SEC22B: variants seen among roughly 807,000 people sequenced by gnomAD.
The protein encoded by SEC22B is SEC22 homolog B, vesicle trafficking protein.
A neutral mutation model predicts 31.4 loss-of-function variants in SEC22B; 10 were observed. That is an observed-to-expected ratio of 0.32 (90% confidence interval 0.20 to 0.54). The LOEUF is 0.54. SEC22B is among the 20% of genes least tolerant of loss of function. The probability of loss-of-function intolerance (pLI) is 0.94; values close to 1 mark genes in which losing one functional copy is unlikely to be tolerated. For missense variants in SEC22B, 130 were observed against 263.4 expected (o/e 0.49, Z 3.50); for synonymous variants, 60 against 95.9 (o/e 0.63, Z 2.19).
intron 2 of SEC22B, among the ~76,000 whole-genome samples, chr1:120,166,615 TG>T (rs1288316398): frequency 1.4e-5 from 2 of 146,340 alleles, no homozygotes; most frequent in Non-Finnish European, 3.0e-5. Context: ...AGTAGAATTG[TG>T]GGTATTAGAA....
chr1:120,176,195 G>C lies in SEC22B; in HGVS notation c.75+112C>G, dbSNP rs1323442263. On this transcript the variant is annotated intron_variant, in intron 1 of 4. Transcript: ENST00000578049. The stretch of plus-strand genomic sequence containing the variant: ...GATAAAAGCGCACTTCAGAGAGGTC[G>C]GGAGTGCCCGGGAAGTCACAAAGGT... The C allele has an allele frequency of 8.8e-6, 8 of 910,418 alleles. No individual in the cohort carries two copies. The Admixed American group carries it at 1.4e-4, about 16-fold the overall frequency. 56.4% of individuals were successfully genotyped at this position (910,418 alleles called of 1,614,324 possible).
At chr1:120,168,439 A>C (rs1333405864) in intron 2 of SEC22B, among the ~76,000 whole-genome samples, 1 of 152,092 alleles carries the variant, frequency 6.6e-6, no homozygotes, top group Non-Finnish European at 1.5e-5. Flanking sequence ...AGATTCCCTC[A>C]CAATCCTCTC....
At chr1:120,164,783 T>C (rs1224018041) in intron 2 of SEC22B, among the ~76,000 whole-genome samples, 1 of 152,056 alleles carries the variant, frequency 6.6e-6, no homozygotes, top group East Asian at 1.9e-4. Context: ...AACCCATTAA[T>C]GGGTTTGCTG....
At chr1:120,167,266 G>A (rs1406467691) in intron 2 of SEC22B, among the ~76,000 whole-genome samples, 1 of 151,120 alleles carries the variant, frequency 6.6e-6, no homozygotes, top group South Asian at 2.1e-4. Flanking sequence ...CATACTCCAT[G>A]GTATTATATT....
intron 2 of SEC22B, among the ~76,000 whole-genome samples, chr1:120,164,560 G>A (rs1657775760): frequency 6.6e-6 from 1 of 152,098 alleles, no homozygotes; most frequent in Non-Finnish European, 1.5e-5. Context: ...CTTAGGTAAT[G>A]ACTTCCAGCT....
intron 1 of SEC22B, among the ~76,000 whole-genome samples, chr1:120,172,858 GA>G (rs1275500819): frequency 2.4e-5 from 3 of 124,546 alleles, no homozygotes; most frequent in Non-Finnish European, 4.7e-5. Flanking sequence ...GAAAAACTGT[GA>G]AACAAATTTG....
chr1:120,167,354 T>A (rs1437706445), intron 2 of SEC22B, among the ~76,000 whole-genome samples: 2 of 152,058 alleles, frequency 1.3e-5, no homozygotes, highest in African/African-American at 4.8e-5. Context: ...TTCTCCAACA[T>A]GCTAGGTTCT....
At chr1:120,176,277 G>GGCA in intron 1 of SEC22B, 30 bp downstream of exon 1, 1 of 1,599,752 alleles carries the variant, frequency 6.3e-7, no homozygotes, top group Non-Finnish European at 8.5e-7. Flanking sequence ...ACAGAGACTT[G>GGCA]GGGTCGCGGG....
chr1:120,161,525 T>A (rs1657717907), intron 3 of SEC22B, among the ~76,000 whole-genome samples: 1 of 152,172 alleles, frequency 6.6e-6, no homozygotes. Context: ...AAAACTCCCA[T>A]CTCTACCAAA....
chr1:120,168,402 T>C (rs1310031123), intron 2 of SEC22B, among the ~76,000 whole-genome samples: 5 of 152,086 alleles, frequency 3.3e-5, no homozygotes, highest in Non-Finnish European at 5.9e-5. Flanking sequence ...CCCATGTGTG[T>C]CAGACAAGAT....
rs1657848893 is a variant in SEC22B, at chr1:120,168,637, A to G, written c.185+203T>C. On this transcript the variant is annotated intron_variant, in intron 2 of 4. Coordinates refer to ENST00000578049, the MANE Select transcript of SEC22B (RefSeq NM_004892.6). ...TGCATGATGGGCACAGCATAGACAC[A>G]TGTTAACAGGTTAAATTACTGTAAG... is the stretch of plus-strand genomic sequence containing the variant. Among the ~76,000 whole-genome samples the G allele has an allele frequency of 2.0e-5, 3 of 150,836 alleles. No homozygotes were observed. In the South Asian group the frequency reaches 6.3e-4, roughly 32 times the overall value.
chr1:120,152,441 T>A lies in SEC22B; in HGVS notation c.*4597A>T. The A allele has an allele frequency of 3.5e-5, 5 of 144,850 alleles. No individual in the cohort carries two copies. Among genetic ancestry groups the A allele is most frequent in the African/African-American group, 1.1e-4 (4 of 37,658 alleles). 9.0% of individuals were successfully genotyped at this position (144,850 alleles called of 1,614,324 possible). A position where few individuals can be genotyped will look rare whatever the true frequency, so the allele number is the denominator to read the frequency against. ...AGAGAAACAAAAAATGAAAGTAAAA[T>A]GGAAAAAGATAAAAGAAGTGAGGCA... is the stretch of plus-strand genomic sequence containing the variant. On this transcript the variant is annotated 3_prime_UTR_variant, in exon 5 of 5. Coordinates refer to ENST00000578049, the MANE Select transcript of SEC22B (RefSeq NM_004892.6).
intron 1 of SEC22B, among the ~76,000 whole-genome samples, chr1:120,170,100 T>C (rs1434464276): frequency 7.0e-6 from 1 of 142,018 alleles, no homozygotes; most frequent in Non-Finnish European, 1.5e-5. Flanking sequence ...CTGCTGGTGC[T>C]TGATCTTCAC....
At chr1:120,163,941 TTC>T (rs1327025609) in intron 2 of SEC22B, among the ~76,000 whole-genome samples, 2 of 126,898 alleles carry the variant, frequency 1.6e-5, no homozygotes, top group Non-Finnish European at 3.1e-5. Context: ...ATCCATTAGA[TTC>T]TCTTTTTTTT....
In SEC22B at chr1:120,160,438, T is replaced by C. The variant is rs1657697257; in HGVS notation, c.439A>G (p.Arg147Gly). ...SINTELQDVQRIMVANIEEVL... is the reference protein window; with the variant it reads ...SINTELQDVQGIMVANIEEVL... ...TCTTCAATATTGGCCACCATGATCCTCTGCACATCTTGCAATTCAGTGTTG... is the reference window on the plus strand; with the variant it reads ...TCTTCAATATTGGCCACCATGATCCCCTGCACATCTTGCAATTCAGTGTTG... The change falls in exon 4 of 5, where the codon AGG (arginine) becomes GGG (glycine). Residue 147 changes from arginine (R) to glycine (G), a missense_variant. Transcript: ENST00000578049. 1.1e-5 allele frequency: 18 copies of C among 1,613,060 alleles called. 1 individual carries two copies. In the South Asian group the frequency reaches 1.9e-4, roughly 17 times the overall value.
chr1:120,161,327 T>G (rs1657714373), intron 3 of SEC22B, among the ~76,000 whole-genome samples: 1 of 152,190 alleles, frequency 6.6e-6, no homozygotes, highest in Non-Finnish European at 1.5e-5. Flanking sequence ...ATTCCCAGTT[T>G]CATTCCATTC....
At chr1:120,163,721 G>C (rs1302472982) in intron 2 of SEC22B, among the ~76,000 whole-genome samples, 2 of 151,490 alleles carry the variant, frequency 1.3e-5, no homozygotes, top group African/African-American at 4.9e-5. Context: ...GACTACAGGC[G>C]TGCGCCACTA....
intron 4 of SEC22B, chr1:120,158,050 T>A (rs1440793859): frequency 7.5e-6 from 1 of 134,012 alleles, no homozygotes; most frequent in Non-Finnish European, 1.5e-5. Flanking sequence ...CATATTTTAA[T>A]AATAAACACA....
At chr1:120,172,934 A>T (rs1431838336) in intron 1 of SEC22B, among the ~76,000 whole-genome samples, 28,903 of 138,372 alleles carry the variant, frequency 0.21, 5,639 homozygotes, top group African/African-American at 0.55. Context: ...GGTAGTAACT[A>T]GACACACAAC....
Sources: gnomAD v4.1 joint callset for allele counts (sites outside exome capture counted in the v4.1 genomes callset) on GRCh38, gnomAD v4.1.1 for gene constraint, MANE v1.5 for transcripts, NCBI Gene and HGNC (gene_info 2026-07-23, HGNC 2026-07-21) for gene names.